Variants in NOX4 observed in about 807,000 individuals in gnomAD.
NOX4 encodes the protein kidney oxidase-1.
A neutral mutation model predicts 87.6 loss-of-function variants in NOX4; 69 were observed. The ratio of observed to expected loss-of-function variants is 0.79; its 90% CI spans 0.65 to 0.96. NOX4 has a LOEUF of 0.96. Ranked by LOEUF, NOX4 falls within the 40% of genes least tolerant of loss-of-function variation. The pLI is 0.00. For synonymous variants in NOX4, 275 were observed against 238.2 expected (o/e 1.15, Z -1.42); for missense variants, 680 against 681.5 (o/e 1.00, Z 0.02).
At chr11:89,568,435 A>G in the NOX4 span, among the ~76,000 whole-genome samples, 2 of 152,178 alleles carry the variant, frequency 1.3e-5, no homozygotes, top group Admixed American at 1.3e-4. Context: ...CATCCACAAT[A>G]GCCACACACA....
chr11:89,498,735 G>A (rs1237954644), upstream of NOX4: 1 of 152,250 alleles, frequency 6.6e-6, no homozygotes, highest in Non-Finnish European at 1.5e-5. Context: ...TATTTGCTAT[G>A]TTTGTGGCAT....
chr11:89,360,588 T>C (rs1024068707), intron 12 of NOX4, among the ~76,000 whole-genome samples: 4 of 152,128 alleles, frequency 2.6e-5, no homozygotes, highest in Admixed American at 1.3e-4. Flanking sequence ...TCTGCCTCTA[T>C]TCTTAATTCC....
At chr11:89,584,528 T>C in the NOX4 span, among the ~76,000 whole-genome samples, 1 of 152,206 alleles carries the variant, frequency 6.6e-6, no homozygotes, top group Non-Finnish European at 1.5e-5. Flanking sequence ...GCACAGATGA[T>C]AAATATACTG....
intron 11 of NOX4, among the ~76,000 whole-genome samples, chr11:89,393,172 C>G (rs1214602496): frequency 6.6e-6 from 1 of 152,086 alleles, no homozygotes; most frequent in Admixed American, 6.6e-5. Context: ...GTGGGGGATA[C>G]TATTGGCTTC....
the NOX4 span, among the ~76,000 whole-genome samples, chr11:89,510,761 A>C: frequency 1.3e-5 from 2 of 152,076 alleles, no homozygotes; most frequent in African/African-American, 4.8e-5. Context: ...TCTGGCTTAC[A>C]TGGTACCTAT....
At chr11:89,402,239 T>C (rs899126061) in intron 9 of NOX4, 87 bp downstream of exon 9, 11 of 962,700 alleles carry the variant, frequency 1.1e-5, no homozygotes, top group Middle Eastern at 2.1e-4. Flanking sequence ...TGCATGAATA[T>C]ATAGCTTGAA....
chr11:89,514,735 T>G, the NOX4 span, among the ~76,000 whole-genome samples: 5 of 151,960 alleles, frequency 3.3e-5, no homozygotes, highest in East Asian at 9.7e-4. Flanking sequence ...GATGATCATG[T>G]TTTTTGTTCT....
the NOX4 span, among the ~76,000 whole-genome samples, chr11:89,578,581 A>G: frequency 6.6e-6 from 1 of 152,224 alleles, no homozygotes; most frequent in Non-Finnish European, 1.5e-5. Context: ...ATTATTCTAC[A>G]TGAGATAATA....
At chr11:89,580,922 G>T in the NOX4 span, among the ~76,000 whole-genome samples, 5 of 152,196 alleles carry the variant, frequency 3.3e-5, no homozygotes, top group African/African-American at 1.2e-4. Context: ...CTTGTCTGGA[G>T]AATTCAGTAA....
chr11:89,491,146 G>T (rs201210918), intron 1 of NOX4, 44 bp downstream of exon 1: 3 of 1,582,240 alleles, frequency 1.9e-6, no homozygotes, highest in Admixed American at 1.7e-5. Flanking sequence ...CAAAATCACT[G>T]CAGGACAGAG....
chr11:89,488,574 T>G (rs1946721600), intron 2 of NOX4, among the ~76,000 whole-genome samples: 1 of 152,178 alleles, frequency 6.6e-6, no homozygotes, highest in African/African-American at 2.4e-5. Flanking sequence ...TTATTTTAGC[T>G]TATACTATCT....
At chr11:89,384,290 C>T (rs1036389676) in intron 11 of NOX4, among the ~76,000 whole-genome samples, 10 of 152,066 alleles carry the variant, frequency 6.6e-5, no homozygotes, top group Admixed American at 2.0e-4. Context: ...AGCCTCTCTT[C>T]GTTTTCACTT....
chr11:89,472,512 T>C (rs111948445), intron 2 of NOX4, among the ~76,000 whole-genome samples: 1,845 of 152,266 alleles, frequency 0.012, 12 homozygotes, highest in Middle Eastern at 0.031. Context: ...TTAACTCAAA[T>C]CTTTTCTATT....
In NOX4 at chr11:89,479,736, T is replaced by C. The variant is rs141284205; in HGVS notation, c.153+10722A>G. Among the ~76,000 whole-genome samples, 914 of 152,320 alleles carry C rather than the reference T, an allele frequency of 6.0e-3. 8 individuals are homozygous for C. Among genetic ancestry groups the C allele is most frequent in the African/African-American group, 0.021 (870 of 41,584 alleles). ...CTACTGATTGAGCAAAGTCCTTCTT[T>C]TCCTTTATTTACTTTTCCTTTAGTC... On this transcript the variant is annotated intron_variant, in intron 2 of 17. Transcript: ENST00000263317.
the NOX4 span, among the ~76,000 whole-genome samples, chr11:89,552,197 G>A: frequency 1.2e-4 from 19 of 152,152 alleles, no homozygotes; most frequent in Admixed American, 2.6e-4. Flanking sequence ...TCTGAAGGAA[G>A]TACTGTTTGT....
At chr11:89,429,955 A>G (rs375459005) in intron 7 of NOX4, among the ~76,000 whole-genome samples, 2 of 152,264 alleles carry the variant, frequency 1.3e-5, no homozygotes, top group East Asian at 1.9e-4. Flanking sequence ...AAAATCCTCA[A>G]TAAAATACTG....
chr11:89,399,432 A>AATATATATATATATATATATAT (rs1208007737), intron 11 of NOX4, among the ~76,000 whole-genome samples: 1 of 75,642 alleles, frequency 1.3e-5, no homozygotes, highest in Admixed American at 1.8e-4. Flanking sequence ...CAAGAAATTA[A>AATATATATATATATATATATAT]ATATATATAT....
chr11:89,459,186 C>A (rs956750265), intron 2 of NOX4, among the ~76,000 whole-genome samples: 1 of 151,934 alleles, frequency 6.6e-6, no homozygotes, highest in African/African-American at 2.4e-5. Context: ...GATGATTATC[C>A]TAAAACAGAA....
chr11:89,565,472 T>C, the NOX4 span, among the ~76,000 whole-genome samples: 68 of 152,262 alleles, frequency 4.5e-4, no homozygotes, highest in African/African-American at 1.5e-3. Flanking sequence ...TTCAACCTTA[T>C]AACTTTTTTC....
Sources: gnomAD v4.1 joint callset for allele counts (sites outside exome capture counted in the v4.1 genomes callset) on GRCh38, gnomAD v4.1.1 for gene constraint, MANE v1.5 for transcripts, NCBI Gene and HGNC (gene_info 2026-07-23, HGNC 2026-07-21) for gene names.